The following AGAP1 variants were observed in gnomAD, a reference collection of about 807,000 sequenced individuals.
AGAP1 encodes ArfGAP with GTPase domain, ankyrin repeat and PH domain 1.
AGAP1 carries 29 observed loss-of-function variants against 105.3 expected under a neutral mutation model. That is an observed-to-expected ratio of 0.28 (90% CI 0.21 to 0.38). The LOEUF (loss-of-function observed/expected upper bound fraction) is 0.38, where lower values mean the gene tolerates loss of function less well. AGAP1 is among the 10% of genes least tolerant of loss of function. The pLI is 1.00. For synonymous variants in AGAP1, 509 were observed against 485.9 expected, an observed-to-expected ratio of 1.05 and a Z score of -0.63; for missense variants, 998 against 1,165.1, an observed-to-expected ratio of 0.86 and a Z score of 2.09.
Position 235,930,991 on chromosome 2 carries a change from G to A in AGAP1, c.1483+68G>A. ...GTCCTTCGTTGTAAGCCAGGGGCTG[G>A]ACAGGACGCCCTAAGCTCTCATGCT... On this transcript the variant is annotated intron_variant, in intron 12 of 17. Coordinates refer to ENST00000304032, the MANE Select transcript of AGAP1 (RefSeq NM_001037131.3). The surrounding 1 kb of genome is among the most constrained non-coding windows in gnomAD (Gnocchi z 7.9). The A allele has an allele frequency of 6.4e-7, 1 of 1,554,170 alleles. No homozygotes were observed. The highest frequency in any genetic ancestry group is 8.7e-7 in the Non-Finnish European group (1 of 1,148,410).
At position 236,045,851 on chromosome 2, in the gene AGAP1, G is replaced by A; in HGVS notation, c.1892-3208G>A. ...GGAGGCAAGGTTCTCCCCTCAGTCA[G>A]CCCCAGCCTTACCTGTCTCTAAGCA... On this transcript the variant is annotated intron_variant, in intron 15 of 17. Transcript: ENST00000304032. The surrounding 1 kb of genome is among the most constrained non-coding windows in gnomAD (Gnocchi z 6.9). 2 of 432,092 alleles carry A rather than the reference G, an allele frequency of 4.6e-6. No homozygotes were observed. Among genetic ancestry groups the A allele is most frequent in the Non-Finnish European group, 9.9e-6 (2 of 201,238 alleles). 26.8% of individuals were successfully genotyped at this position (432,092 alleles called of 1,614,324 possible).
At chr2:235,579,302 C>G (rs1194060901) in intron 1 of AGAP1, among the ~76,000 whole-genome samples, 1 of 152,196 alleles carries the variant, frequency 6.6e-6, no homozygotes, top group Non-Finnish European at 1.5e-5. Flanking sequence ...GTGACGTAAC[C>G]TTTCACTGTC....
At chr2:236,071,184 G>A (rs138456133) in intron 16 of AGAP1, among the ~76,000 whole-genome samples, 4 of 152,300 alleles carry the variant, frequency 2.6e-5, no homozygotes, top group Admixed American at 6.5e-5. Flanking sequence ...CCTTAGCCCC[G>A]AATAATCCTT....
intron 13 of AGAP1, among the ~76,000 whole-genome samples, chr2:236,007,311 A>G (rs2056354038): frequency 6.6e-6 from 1 of 152,254 alleles, no homozygotes; most frequent in Non-Finnish European, 1.5e-5. Context: ...ACCAGTCTTC[A>G]GTTCAGATGG....
Position 236,121,388 on chromosome 2 carries a change from C to T in AGAP1, c.2370+941C>T, listed in dbSNP as rs1344138013. The stretch of plus-strand genomic sequence containing the variant: ...CGATCTCAGCTCACTGCAACCTCCG[C>T]CTCCCAGGTTCAAGCAATTCTCCTG... On this transcript the variant is annotated intron_variant, in intron 17 of 17. Coordinates refer to ENST00000304032, the MANE Select transcript of AGAP1 (RefSeq NM_001037131.3). This position sits in a 1 kb window ranked among gnomAD's most constrained non-coding sequence, Gnocchi z 4.9. Among the ~76,000 whole-genome samples the T allele has an allele frequency of 2.6e-5, 4 of 152,136 alleles. No homozygotes were observed. Among genetic ancestry groups the T allele is most frequent in the Non-Finnish European group, 4.4e-5 (3 of 68,026 alleles).
In AGAP1 at chr2:235,822,579, G is replaced by A. The variant is rs73126463; in HGVS notation, c.1050+15248G>A. ...GAGGAGGAGCTGGAGAAGCCCAAGG[G>A]TGAAGAGAAGCTGGAGAAGCTTGGG... On this transcript the variant is annotated intron_variant, in intron 9 of 17. Transcript: ENST00000304032. Among the ~76,000 whole-genome samples the A allele has an allele frequency of 2.6e-3, 388 of 151,888 alleles. 1 individual carries two copies. Among genetic ancestry groups the A allele is most frequent in the African/African-American group, 8.2e-3 (340 of 41,420 alleles).
At chr2:236,011,164 C>T (rs1237387970) in intron 13 of AGAP1, among the ~76,000 whole-genome samples, 2 of 152,234 alleles carry the variant, frequency 1.3e-5, no homozygotes, top group African/African-American at 2.4e-5. Context: ...CTGTGATACC[C>T]GCATGTAGCA....
chr2:236,068,387 C>G (rs1480759857), intron 16 of AGAP1, among the ~76,000 whole-genome samples: 1 of 152,160 alleles, frequency 6.6e-6, no homozygotes. Context: ...ACTCCCTCTC[C>G]TCTCCTCTGG....
At chr2:235,585,341 G>A (rs561514717) in intron 1 of AGAP1, among the ~76,000 whole-genome samples, 41 of 152,250 alleles carry the variant, frequency 2.7e-4, no homozygotes, top group African/African-American at 9.4e-4. Flanking sequence ...GGCCTCTGCC[G>A]TGGTAGCTGC....
At chr2:235,948,577 G>T (rs1402891214) in intron 12 of AGAP1, among the ~76,000 whole-genome samples, 1 of 152,194 alleles carries the variant, frequency 6.6e-6, no homozygotes, top group Non-Finnish European at 1.5e-5. Context: ...TTCCATGGCC[G>T]CTTTGGCAGT....
At chr2:235,909,262 G>A (rs899161526) in intron 11 of AGAP1, among the ~76,000 whole-genome samples, 1 of 152,192 alleles carries the variant, frequency 6.6e-6, no homozygotes, top group African/African-American at 2.4e-5. Context: ...ATAACTGTAT[G>A]TATGAAAGTG....
Position 235,887,167 on chromosome 2 carries a change from C to T in AGAP1, c.1155+3718C>T, listed in dbSNP as rs1022967727. 6.6e-5 allele frequency among the ~76,000 whole-genome samples: 10 copies of T among 152,108 alleles called. No homozygotes were observed. Among genetic ancestry groups the T allele is most frequent in the African/African-American group, 2.4e-4 (10 of 41,420 alleles). ...TTAAACACGGACCATGCTGTGACACCCACATCCTTGGCTATCTCCAGGATG... is the reference window on the plus strand; with the variant it reads ...TTAAACACGGACCATGCTGTGACACTCACATCCTTGGCTATCTCCAGGATG... On this transcript the variant is annotated intron_variant, in intron 10 of 17. Transcript: ENST00000304032. The surrounding 1 kb of genome is among the most constrained non-coding windows in gnomAD (Gnocchi z 4.1).
chr2:235,730,112 T>A (rs1188382607), intron 3 of AGAP1, among the ~76,000 whole-genome samples: 1 of 152,126 alleles, frequency 6.6e-6, no homozygotes, highest in Non-Finnish European at 1.5e-5. Context: ...GACAAACAGC[T>A]CATAAGCCCG....
In AGAP1 at chr2:235,665,965, A is replaced by G. The variant is rs1332100675; in HGVS notation, c.164-43214A>G. Among the ~76,000 whole-genome samples the G allele has an allele frequency of 1.3e-5, 2 of 152,230 alleles. No individual in the cohort carries two copies. The highest frequency in any genetic ancestry group is 3.8e-4 in the East Asian group (2 of 5,200). ...TATTCTCCAGGAGAATGTTTGATTT[A>G]TAGGTAGCTAGAAATGACCCGGGAC... On this transcript the variant is annotated intron_variant, in intron 1 of 17. Transcript: ENST00000304032. This position sits in a 1 kb window ranked among gnomAD's most constrained non-coding sequence, Gnocchi z 5.3.
intron 1 of AGAP1, among the ~76,000 whole-genome samples, chr2:235,513,600 G>A (rs949248761): frequency 1.3e-5 from 2 of 151,958 alleles, no homozygotes; most frequent in Non-Finnish European, 2.9e-5. Context: ...AGTGGGTGGC[G>A]GGTGAGGCCT....
At chr2:235,702,934 G>GGTTTTTTTTTTTTTTTTTTTTTTT (rs1950324299) in intron 1 of AGAP1, among the ~76,000 whole-genome samples, 1 of 88,946 alleles carries the variant, frequency 1.1e-5, no homozygotes, top group South Asian at 6.7e-4. Context: ...AGTTTTCTTG[G>GGTTTTTTTTTTTTTTTTTTTTTTT]TTTTTTTTTT....
chr2:235,812,627 T>C (rs1335006507), intron 9 of AGAP1, among the ~76,000 whole-genome samples: 1 of 152,194 alleles, frequency 6.6e-6, no homozygotes, highest in South Asian at 2.1e-4. Context: ...GCTGCTTTCA[T>C]GGAGGAAACA....
In AGAP1 at chr2:236,020,325, A is replaced by G. The variant is rs1458774210; in HGVS notation, c.1646-16236A>G. ...AAATTGCAGTGTTTGAACGTTGTTT[A>G]TGTAGCCAGGAACAGAGATTTGAAA... On this transcript the variant is annotated intron_variant, in intron 13 of 17. Transcript: ENST00000304032. The surrounding 1 kb of genome is among the most constrained non-coding windows in gnomAD (Gnocchi z 5.0). 6.6e-6 allele frequency among the ~76,000 whole-genome samples: 1 copy of G among 152,228 alleles called. No homozygotes were observed. Among genetic ancestry groups the G allele is most frequent in the African/African-American group, 2.4e-5 (1 of 41,454 alleles).
In AGAP1 at chr2:235,773,941, C is replaced by G. The variant is rs973421179; in HGVS notation, c.673+23453C>G. On this transcript the variant is annotated intron_variant, in intron 6 of 17. Transcript: ENST00000304032. ...TTACGTTTGAAGACAATCAACTCTT[C>G]ATCTCACCTGCTGGTCCATTCAGCC... 6.4e-6 allele frequency: 3 copies of G among 469,812 alleles called. No homozygotes were observed. In the Admixed American group the frequency reaches 7.1e-5, roughly 11 times the overall value. The allele number at this position is 469,812 out of a possible 1,614,324, so 29.1% of individuals were successfully genotyped here. A position where few individuals can be genotyped will look rare whatever the true frequency, so the allele number is the denominator to read the frequency against.
Sources: allele counts gnomAD v4.1 joint callset (sites outside exome capture counted in the v4.1 genomes callset), GRCh38; gene constraint gnomAD v4.1.1; non-coding constraint Gnocchi (gnomAD v3.1); transcripts MANE v1.5; gene names NCBI Gene and HGNC (gene_info 2026-07-23, HGNC 2026-07-21).